Variants in CARMIL2 observed in about 807,000 individuals in gnomAD.
The protein encoded by CARMIL2 is capping protein, Arp2/3 and myosin-I linker protein 2.
CARMIL2 carries 96 observed loss-of-function variants against 173.3 expected under a neutral mutation model. The observed-to-expected ratio is 0.55, with a 90% CI of 0.47 to 0.66. The LOEUF is 0.66. Ranked by LOEUF, CARMIL2 falls within the 30% of genes least tolerant of loss-of-function variation. The pLI, the probability that CARMIL2 is intolerant of heterozygous loss-of-function variation, is 0.00. For missense variants in CARMIL2, 1,771 were observed against 1,906.7 expected (o/e 0.93, Z 1.33); for synonymous variants, 830 against 817.1 (o/e 1.02, Z -0.27).
chr16:67,651,499 C>T lies in CARMIL2; in HGVS notation c.2412C>T (p.Cys804=), dbSNP rs1176545099. The part of the protein sequence containing the change: ...EGLLRQVGEV[C]RQDIQDFTQA... ...TTCTGAGACAGGTGGGCGAGGTCTG[C>T]CGCCAGGACATCCAGGTGAGAGGGT... is the stretch of plus-strand genomic sequence containing the variant. Residue 804 remains cysteine, a synonymous_variant, in exon 24 of 38, where the codon TGC becomes TGT. Coordinates refer to ENST00000334583, the MANE Select transcript of CARMIL2 (RefSeq NM_001013838.3). This position sits in a 1 kb window ranked among gnomAD's most constrained non-coding sequence, Gnocchi z 4.2. 3 of 1,591,178 alleles carry T rather than the reference C, an allele frequency of 1.9e-6. No individual in the cohort carries two copies. The East Asian group carries it at 6.7e-5, about 36-fold the overall frequency.
rs377465945 is a variant in CARMIL2 at position 67,648,941 on chromosome 16, G to C, written c.1558G>C (p.Gly520Arg). The change falls in exon 17 of 38, where the codon GGC becomes CGC. Residue 520 changes from glycine to arginine, a missense_variant. Transcript: ENST00000334583. This position sits in a 1 kb window ranked among gnomAD's most constrained non-coding sequence, Gnocchi z 6.1. ...QVIQDLVCDA[G>R]AVSSLDLADN... ...GATACAAGACTTAGTGTGCGACGCA[G>C]GCGCTGTGAGCTCCCTGGATCTGGC... 4.6e-5 allele frequency: 74 copies of C among 1,609,830 alleles called. No individual in the cohort carries two copies. The highest frequency in any genetic ancestry group is 6.0e-5 in the Non-Finnish European group (71 of 1,178,406).
rs1321593360 is a variant in CARMIL2, at chr16:67,653,619, G to A, written c.3120+365G>A. 4.6e-5 allele frequency among the ~76,000 whole-genome samples: 7 copies of A among 152,188 alleles called. No individual in the cohort carries two copies. Among genetic ancestry groups the A allele is most frequent in the South Asian group, 2.1e-4 (1 of 4,836 alleles). ...CCGCGGGGCCAAGCCTGCGTCTGCTGCGCGTCCGGCGGCGGCGCGTGTGGG... is the reference window on the plus strand; with the variant it reads ...CCGCGGGGCCAAGCCTGCGTCTGCTACGCGTCCGGCGGCGGCGCGTGTGGG... On this transcript the variant is annotated intron_variant, in intron 29 of 37. Coordinates refer to ENST00000334583, the MANE Select transcript of CARMIL2 (RefSeq NM_001013838.3). The surrounding 1 kb of genome is among the most constrained non-coding windows in gnomAD (Gnocchi z 7.4).
Position 67,657,044 on chromosome 16 carries a change from C to A in CARMIL2, c.4117+163C>A. The stretch of plus-strand genomic sequence containing the variant: ...CAGGTGCAAGGGTTTGACAGCAAGC[C>A]CTTCCAACTAGCACTGGCTCCACTT... On this transcript the variant is annotated intron_variant, in intron 36 of 37. Transcript: ENST00000334583. This position sits in a 1 kb window ranked among gnomAD's most constrained non-coding sequence, Gnocchi z 4.5. The A allele has an allele frequency of 2.7e-6, 2 of 754,564 alleles. No individual in the cohort carries two copies. Among genetic ancestry groups the A allele is most frequent in the Non-Finnish European group, 4.3e-6 (2 of 462,280 alleles). The allele number at this position is 754,564 out of a possible 1,614,324, so 46.7% of individuals were successfully genotyped here.
chr16:67,656,810 T>TGAGGCC lies in CARMIL2; in HGVS notation c.4053_4058dup (p.Arg1352_Pro1353dup). On this transcript the variant is annotated inframe_insertion, in exon 36 of 38. Coordinates refer to ENST00000334583, the MANE Select transcript of CARMIL2 (RefSeq NM_001013838.3). ...CCCTGGCCTCCCTCAGATGGCCAGC[T>TGAGGCC]GAGGCCGAGGCCTCTCTCGGCAGGG... The TGAGGCC allele has an allele frequency of 1.3e-6, 2 of 1,551,220 alleles. No homozygotes were observed. Among genetic ancestry groups the TGAGGCC allele is most frequent in the Non-Finnish European group, 1.7e-6 (2 of 1,147,214 alleles).
At position 67,651,704 on chromosome 16, in the gene CARMIL2, T is replaced by C; in HGVS notation, c.2447T>C (p.Leu816Pro). The change falls in exon 25 of 38, where the codon CTG (leucine) becomes CCG (proline). Residue 816 changes from leucine (L) to proline (P), a missense_variant. Transcript: ENST00000334583. The surrounding 1 kb of genome is among the most constrained non-coding windows in gnomAD (Gnocchi z 4.2). ...GTCTAGGACTTCACTCAGGCCACAC[T>C]GGACACAGCAAGGAGCCTCTGCCCA... Reference protein sequence around the residue: ...QDIQDFTQATLDTARSLCPQM... With the variant: ...QDIQDFTQATPDTARSLCPQM... The C allele has an allele frequency of 6.2e-7, 1 of 1,607,184 alleles. No individual in the cohort carries two copies. Among genetic ancestry groups the C allele is most frequent in the Non-Finnish European group, 8.5e-7 (1 of 1,177,522 alleles).
rs774093431 is a variant in CARMIL2 at position 67,654,623 on chromosome 16, T to G, written c.3513T>G (p.Asp1171Glu). 4.4e-6 allele frequency: 7 copies of G among 1,596,758 alleles called. No homozygotes were observed. The highest frequency in any genetic ancestry group is 1.7e-5 in the Admixed American group (1 of 58,284). Residue 1171 changes from aspartate (D) to glutamate (E), a missense_variant, in exon 31 of 38, where the codon GAT (aspartate) becomes GAG (glutamate). By Grantham distance (45) the Asp-to-Glu change is conservative. Coordinates refer to ENST00000334583, the MANE Select transcript of CARMIL2 (RefSeq NM_001013838.3). ...GGAGCCGACCTCGCTACACAAGAGA[T>G]AGCAAGGCCTACTCGATGATACTGC... is the stretch of plus-strand genomic sequence containing the variant. ...AGRSRPRYTR[D>E]SKAYSMILLP...
chr16:67,646,598 A>G lies in CARMIL2; in HGVS notation c.466+81A>G. On this transcript the variant is annotated intron_variant, in intron 6 of 37. Coordinates refer to ENST00000334583, the MANE Select transcript of CARMIL2 (RefSeq NM_001013838.3). The surrounding 1 kb of genome is among the most constrained non-coding windows in gnomAD (Gnocchi z 4.6). ...AGACCCGCAAGCTGGGGGGGCCCCAAACTGAACAGAGCCATTCAGGTCCCA... is the reference window on the plus strand; with the variant it reads ...AGACCCGCAAGCTGGGGGGGCCCCAGACTGAACAGAGCCATTCAGGTCCCA... 1 of 1,575,536 alleles carries G rather than the reference A, an allele frequency of 6.3e-7. No individual in the cohort carries two copies. Among genetic ancestry groups the G allele is most frequent in the Non-Finnish European group, 8.7e-7 (1 of 1,147,914 alleles).
Position 67,651,807 on chromosome 16 carries a change from C to T in CARMIL2, c.2550C>T (p.Leu850=). 1 of 1,611,410 alleles carries T rather than the reference C, an allele frequency of 6.2e-7. No individual in the cohort carries two copies. Among genetic ancestry groups the T allele is most frequent in the Admixed American group, 1.7e-5 (1 of 59,648 alleles). Residue 850 remains leucine (L), a synonymous_variant, in exon 25 of 38, where the codon CTC becomes CTT. Transcript: ENST00000334583. The surrounding 1 kb of genome is among the most constrained non-coding windows in gnomAD (Gnocchi z 4.2). ...GCTCGAGGGGCCTCCCGGAGCTGCT[C>T]CCAGAGCAGCTGCTGCAAGATGCCT... ...LAGSRGLPEL[L]PEQLLQDAFT...
In CARMIL2 at chr16:67,656,552, T is replaced by G; in HGVS notation, c.3943T>G (p.Ser1315Ala). 2.5e-6 allele frequency: 4 copies of G among 1,613,252 alleles called. No individual in the cohort carries two copies. The highest frequency in any genetic ancestry group is 3.4e-6 in the Non-Finnish European group (4 of 1,179,780). The change falls in exon 35 of 38, where the codon TCC becomes GCC. Residue 1315 changes from serine to alanine, a missense_variant. This residue lies in a region of CARMIL2 where 817 missense variants were observed against 903.5 expected (regional missense o/e 0.90). Coordinates refer to ENST00000334583, the MANE Select transcript of CARMIL2 (RefSeq NM_001013838.3). ...WGQQDGPGPP[S>A]PGQSPSPCRT... ...CCAACAGGATGGTCCAGGCCCTCCC[T>G]CCCCTGGTCAAAGCCCAAGTCCCTG...
rs1407452167 is a variant in CARMIL2 at position 67,647,553 on chromosome 16, C to T, written c.822C>T (p.Ser274=). The T allele has an allele frequency of 6.2e-7, 1 of 1,610,990 alleles. No individual in the cohort carries two copies. Among genetic ancestry groups the T allele is most frequent in the Non-Finnish European group, 8.5e-7 (1 of 1,178,836 alleles). ...RLAQALAGHS[S]SGLRELSLAG... The stretch of plus-strand genomic sequence containing the variant: ...CCCAGGCGCTGGCGGGACACTCAAG[C>T]TCTGGGCTGCGGGAGCTCAGCCTCG... The change falls in exon 11 of 38, where the codon AGC becomes AGT. Residue 274 remains serine (S), a synonymous_variant. Coordinates refer to ENST00000334583, the MANE Select transcript of CARMIL2 (RefSeq NM_001013838.3).
At position 67,653,290 on chromosome 16, in the gene CARMIL2, T is replaced by C; in HGVS notation, c.3120+36T>C. 2 of 1,023,052 alleles carry C rather than the reference T, an allele frequency of 2.0e-6. No individual in the cohort carries two copies. Among genetic ancestry groups the C allele is most frequent in the Non-Finnish European group, 2.4e-6 (2 of 829,550 alleles). The allele number at this position is 1,023,052 out of a possible 1,614,324, so 63.4% of individuals were successfully genotyped here. ...TTCCCCCACTCCGGAGCGCGTGGAA[T>C]TGGGGATCACGGGTGGCCCGGCCGC... On this transcript the variant is annotated intron_variant, in intron 29 of 37. Transcript: ENST00000334583. The surrounding 1 kb of genome is among the most constrained non-coding windows in gnomAD (Gnocchi z 7.4).
rs2052883597 is a variant in CARMIL2, at chr16:67,657,296, C to T, written c.4175C>T (p.Ala1392Val). ...PVLKRRPKLEAPPSPSLGSGL... is the reference protein window; with the variant it reads ...PVLKRRPKLEVPPSPSLGSGL... ...CTCAAACGCAGGCCAAAACTCGAGG[C>T]ACCTCCATCCCCAAGCCTAGGTAAG... Residue 1392 changes from alanine (A) to valine (V), a missense_variant, in exon 37 of 38, where the codon GCA (alanine) becomes GTA (valine). Coordinates refer to ENST00000334583, the MANE Select transcript of CARMIL2 (RefSeq NM_001013838.3). The surrounding 1 kb of genome is among the most constrained non-coding windows in gnomAD (Gnocchi z 4.5). 1.2e-6 allele frequency: 2 copies of T among 1,613,798 alleles called. No individual in the cohort carries two copies. Among genetic ancestry groups the T allele is most frequent in the Non-Finnish European group, 1.7e-6 (2 of 1,179,824 alleles).
In CARMIL2 at chr16:67,645,224, G is replaced by T. The variant is rs373034263; in HGVS notation, c.-23G>T. 109 of 1,569,834 alleles carry T rather than the reference G, an allele frequency of 6.9e-5. No homozygotes were observed. The highest frequency in any genetic ancestry group is 4.6e-4 in the Admixed American group (25 of 54,516). ...TGCTGTTTCCCGCCGGAGCTCGTTG[G>T]GCCTCCCCGGCCCGCCCGGCCCATG... On this transcript the variant is annotated 5_prime_UTR_variant, in exon 1 of 38. Coordinates refer to ENST00000334583, the MANE Select transcript of CARMIL2 (RefSeq NM_001013838.3).
intron 32 of CARMIL2, among the ~76,000 whole-genome samples, chr16:67,655,575 C>T (rs1184612199): frequency 6.6e-6 from 1 of 152,242 alleles, no homozygotes; most frequent in Non-Finnish European, 1.5e-5. Flanking sequence ...CTTAAAACCT[C>T]ACTGCTTTCC....
In CARMIL2 at chr16:67,654,531, C is replaced by T. The variant is rs760901272; in HGVS notation, c.3421C>T (p.Arg1141Cys). ...TGGCGACCTACTGCGGCCGCCAACC[C>T]GTCCCAGCCGTGGTGAGGAGCTTGG... ...TFGDLLRPPT[R>C]PSRGEELGGA... The change falls in exon 31 of 38, where the codon CGT becomes TGT. Residue 1141 changes from arginine to cysteine, a missense_variant. Around this residue, in one of 3 missense-constraint regions of CARMIL2, gnomAD observed 817 missense variants for 903.5 expected, o/e 0.90. Transcript: ENST00000334583. The T allele has an allele frequency of 3.7e-6, 6 of 1,611,616 alleles. No individual in the cohort carries two copies. Among genetic ancestry groups the T allele is most frequent in the South Asian group, 3.3e-5 (3 of 90,854 alleles).
rs954775462 is a variant in CARMIL2, at chr16:67,653,583, G to A, written c.3120+329G>A. ...GGCTGCTGAGAGATGCCGGGCAGCC[G>A]GGTAGCCGAGCCGCGGGGCCAAGCC... On this transcript the variant is annotated intron_variant, in intron 29 of 37. Transcript: ENST00000334583. This position sits in a 1 kb window ranked among gnomAD's most constrained non-coding sequence, Gnocchi z 7.4. Among the ~76,000 whole-genome samples, 1 of 152,172 alleles carries A rather than the reference G, an allele frequency of 6.6e-6. No homozygotes were observed. Among genetic ancestry groups the A allele is most frequent in the Non-Finnish European group, 1.5e-5 (1 of 68,002 alleles).
In CARMIL2 at chr16:67,649,474, T is replaced by G; in HGVS notation, c.1774T>G (p.Ser592Ala). ...TCTTCAGTCTCTGTCGGTGGCTGAGTCTCGGCTGAAGCTGGGTGCCAGCGT... is the reference window on the plus strand; with the variant it reads ...TCTTCAGTCTCTGTCGGTGGCTGAGGCTCGGCTGAAGCTGGGTGCCAGCGT... Reference protein sequence around the residue: ...CPLQSLSVAESRLKLGASVLL... With the variant: ...CPLQSLSVAEARLKLGASVLL... Residue 592 changes from serine (S) to alanine (A), a missense_variant, in exon 20 of 38, where the codon TCT becomes GCT. Physicochemically the swap from Ser to Ala is moderately conservative, Grantham distance 99. Coordinates refer to ENST00000334583, the MANE Select transcript of CARMIL2 (RefSeq NM_001013838.3). The surrounding 1 kb of genome is among the most constrained non-coding windows in gnomAD (Gnocchi z 6.7). 6.2e-7 allele frequency: 1 copy of G among 1,611,382 alleles called. No homozygotes were observed. Among genetic ancestry groups the G allele is most frequent in the Non-Finnish European group, 8.5e-7 (1 of 1,179,880 alleles).
At chr16:67,645,470 G>A (rs1036407184) in intron 1 of CARMIL2, 70 bp from the exon 2 acceptor site, 19 of 1,442,414 alleles carry the variant, frequency 1.3e-5, no homozygotes, top group Non-Finnish European at 1.8e-5. Context: ...GCCCCAGCCT[G>A]GCACAGACTG....
chr16:67,654,997 C>G (rs748069583), intron 32 of CARMIL2, 97 bp downstream of exon 32: 12 of 1,471,694 alleles, frequency 8.2e-6, no homozygotes, highest in Admixed American at 1.9e-5. Flanking sequence ...ACAGATAGGT[C>G]TAATTGTCAG....
Sources: gnomAD v4.1 joint callset for allele counts (sites outside exome capture counted in the v4.1 genomes callset) on GRCh38, gnomAD v4.1.1 for gene constraint, gnomAD v4.1.1 regional missense constraint, Gnocchi (gnomAD v3.1) non-coding constraint, MANE v1.5 for transcripts, NCBI Gene and HGNC (gene_info 2026-07-23, HGNC 2026-07-21) for gene names.